ZNF385D: variants seen among roughly 807,000 people sequenced by gnomAD.
ZNF385D encodes the protein zinc finger protein 659.
Under a neutral mutation model 35.8 loss-of-function variants are expected in ZNF385D, and 15 were observed. The observed-to-expected ratio is 0.42, with a 90% CI of 0.28 to 0.64. The LOEUF is 0.64. ZNF385D is among the 30% of genes least tolerant of loss of function. The pLI, the probability that ZNF385D is intolerant of heterozygous loss-of-function variation, is 0.23. For synonymous variants in ZNF385D, 212 were observed against 186.8 expected (o/e 1.13, Z -1.10); for missense variants, 474 against 494.6 (o/e 0.96, Z 0.39).
intron 1 of ZNF385D, among the ~76,000 whole-genome samples, chr3:21,714,905 A>G (rs1252203308): frequency 6.6e-6 from 1 of 152,210 alleles, no homozygotes; most frequent in Admixed American, 6.5e-5. Context: ...ACTAAAATGT[A>G]ACAGATGAAC....
chr3:22,144,592 A>G (rs1220847932), intron 3 of ZNF385D, among the ~76,000 whole-genome samples: 1 of 151,098 alleles, frequency 6.6e-6, no homozygotes. Context: ...AAAAAAAAAA[A>G]AAAAAAAAGA....
intron 3 of ZNF385D, among the ~76,000 whole-genome samples, chr3:21,881,608 A>G (rs918855607): frequency 6.6e-6 from 1 of 152,060 alleles, no homozygotes; most frequent in African/African-American, 2.4e-5. Flanking sequence ...CATAAGATGC[A>G]TTCTGCAACC....
intron 1 of ZNF385D, among the ~76,000 whole-genome samples, chr3:21,669,975 G>A (rs916543174): frequency 3.3e-5 from 5 of 151,956 alleles, no homozygotes; most frequent in Middle Eastern, 3.2e-3. Context: ...TTCAGCATTC[G>A]TCAGTCACAG....
At chr3:22,245,885 A>G (rs1367503630) in intron 2 of ZNF385D, among the ~76,000 whole-genome samples, 2 of 152,100 alleles carry the variant, frequency 1.3e-5, no homozygotes, top group Non-Finnish European at 2.9e-5. Context: ...TCAAGTAATA[A>G]TCACTCTGAA....
At chr3:22,222,041 A>C (rs1240711050) in intron 2 of ZNF385D, among the ~76,000 whole-genome samples, 1 of 151,858 alleles carries the variant, frequency 6.6e-6, no homozygotes, top group Non-Finnish European at 1.5e-5. Flanking sequence ...CAGTGGTGCG[A>C]TCTCAGCTCA....
intron 1 of ZNF385D, among the ~76,000 whole-genome samples, chr3:21,725,683 T>C (rs1182741596): frequency 1.3e-5 from 2 of 152,146 alleles, no homozygotes; most frequent in South Asian, 2.1e-4. Context: ...AATTGATGAA[T>C]AGTTAATAGC....
intron 2 of ZNF385D, among the ~76,000 whole-genome samples, chr3:22,236,377 G>T (rs2125306252): frequency 6.6e-6 from 1 of 152,122 alleles, no homozygotes; most frequent in Middle Eastern, 3.4e-3. Context: ...TGTCATCCAG[G>T]CTAGAGAAGA....
chr3:21,936,223 G>C (rs1701251614), intron 3 of ZNF385D, among the ~76,000 whole-genome samples: 1 of 152,094 alleles, frequency 6.6e-6, no homozygotes. Flanking sequence ...GAGAAATCTT[G>C]TTTGGGAGAA....
chr3:22,124,969 G>T (rs1163153916), intron 3 of ZNF385D, among the ~76,000 whole-genome samples: 1 of 152,000 alleles, frequency 6.6e-6, no homozygotes, highest in Non-Finnish European at 1.5e-5. Flanking sequence ...TGCTTGTGGG[G>T]TATTATTCAA....
At chr3:21,492,992 A>T (rs1705549332) in intron 4 of ZNF385D, among the ~76,000 whole-genome samples, 1 of 152,042 alleles carries the variant, frequency 6.6e-6, no homozygotes, top group Admixed American at 6.6e-5. Context: ...TATAGTTATT[A>T]GGTTAGTTTT....
intron 2 of ZNF385D, among the ~76,000 whole-genome samples, chr3:22,265,995 C>G (rs1700877929): frequency 6.6e-6 from 1 of 151,960 alleles, no homozygotes; most frequent in South Asian, 2.1e-4. Flanking sequence ...CTGGGACCAG[C>G]TAACTCTACA....
At chr3:22,162,288 T>C (rs1479661304) in intron 3 of ZNF385D, among the ~76,000 whole-genome samples, 2 of 152,180 alleles carry the variant, frequency 1.3e-5, no homozygotes, top group Non-Finnish European at 2.9e-5. Context: ...TCAGAGGGGC[T>C]ACAGACTACA....
chr3:21,786,682 T>C (rs1347930847), intron 3 of ZNF385D, among the ~76,000 whole-genome samples: 1 of 152,244 alleles, frequency 6.6e-6, no homozygotes, highest in East Asian at 1.9e-4. Flanking sequence ...AGGCCATTTA[T>C]ACTTTTCTGC....
chr3:22,216,948 G>C (rs1697927381), intron 2 of ZNF385D, among the ~76,000 whole-genome samples: 1 of 152,124 alleles, frequency 6.6e-6, no homozygotes, highest in South Asian at 2.1e-4. Flanking sequence ...ACTGGAGAGA[G>C]AAGTGCCTGC....
At chr3:21,884,187 A>G (rs1553691743) in intron 3 of ZNF385D, among the ~76,000 whole-genome samples, 1 of 152,056 alleles carries the variant, frequency 6.6e-6, no homozygotes, top group Non-Finnish European at 1.5e-5. Context: ...TAGAAATGAT[A>G]TTATAAATGA....
chr3:21,425,701 A>G lies in ZNF385D; in HGVS notation c.674-31T>C, dbSNP rs115693487. ...AGGAATATTGAAATGAAGGAAGGAA[A>G]GGAGGGAGGAAAGAAGGGAGGGAGA... On this transcript the variant is annotated intron_variant, in intron 5 of 7. Transcript: ENST00000281523. 9.9e-4 allele frequency: 1,461 copies of G among 1,473,458 alleles called. 18 individuals carry two copies. In the African/African-American group the frequency reaches 0.019, roughly 19 times the overall value. 91.3% of individuals were successfully genotyped at this position (1,473,458 alleles called of 1,614,324 possible). A position where few individuals can be genotyped will look rare whatever the true frequency, so the allele number is the denominator to read the frequency against.
At chr3:22,042,928 C>T (rs1698757112) in intron 3 of ZNF385D, among the ~76,000 whole-genome samples, 1 of 152,114 alleles carries the variant, frequency 6.6e-6, no homozygotes, top group Non-Finnish European at 1.5e-5. Context: ...AAGGGACTAA[C>T]CTAAAATTCT....
At chr3:21,707,303 A>G (rs973336910) in intron 1 of ZNF385D, among the ~76,000 whole-genome samples, 4 of 152,182 alleles carry the variant, frequency 2.6e-5, no homozygotes, top group South Asian at 2.1e-4. Flanking sequence ...TTTACTATAA[A>G]TTGTGCACAG....
In ZNF385D at chr3:22,338,915, C is replaced by T. The variant is rs1224922287; in HGVS notation, c.106+33535G>A. On this transcript the variant is annotated intron_variant, in intron 2 of 5. Transcript: ENST00000494108. Reference sequence around the variant, plus strand: ...GGAGTTTCACCATGTTGGCCAGGCTCGTCTCGAACTCCTGACCTCAGGTGA... The same window carrying T: ...GGAGTTTCACCATGTTGGCCAGGCTTGTCTCGAACTCCTGACCTCAGGTGA... 5.9e-5 allele frequency among the ~76,000 whole-genome samples: 9 copies of T among 151,584 alleles called. No homozygotes were observed. In the South Asian group the frequency reaches 1.3e-3, roughly 21 times the overall value.
Sources: allele counts gnomAD v4.1 joint callset (sites outside exome capture counted in the v4.1 genomes callset), GRCh38; gene constraint gnomAD v4.1.1; transcripts MANE v1.5; gene names NCBI Gene and HGNC (gene_info 2026-07-23, HGNC 2026-07-21).